Variants in CYP2A6 observed in about 807,000 individuals in gnomAD.
CYP2A6 encodes the protein cytochrome P450 2A6.
Under a neutral mutation model 42.3 loss-of-function variants are expected in CYP2A6, and 27 were observed. That is an observed-to-expected ratio of 0.64 (90% confidence interval 0.47 to 0.88). The LOEUF (loss-of-function observed/expected upper bound fraction) is 0.88. Among genes scored for constraint, CYP2A6 ranks in the 40% least tolerant of loss-of-function variants. CYP2A6 has a pLI of 0.00. For missense variants in CYP2A6, 628 were observed against 646.0 expected (o/e 0.97, Z 0.30); for synonymous variants, 238 against 246.3 (o/e 0.97, Z 0.31).
intron 2 of CYP2A6, 51 bp from the exon 3 acceptor site, chr19:40,848,814 G>A (rs759821708): frequency 1.9e-6 from 3 of 1,548,912 alleles, no homozygotes; most frequent in Admixed American, 1.8e-5. Context: ...GGCAGGGGCA[G>A]GAGCGGAGCA....
At position 40,846,867 on chromosome 19, in the gene CYP2A6, G is replaced by T; in HGVS notation, c.831+8C>A. 2.5e-6 allele frequency: 4 copies of T among 1,611,504 alleles called. No individual in the cohort carries two copies. The highest frequency in any genetic ancestry group is 3.4e-6 in the Non-Finnish European group (4 of 1,179,656). ...TTGCATCTCCCCGCAGTGGCTGCTGGGGTGTACCTCCTGCATGCGGATGAG... is the reference window on the plus strand; with the variant it reads ...TTGCATCTCCCCGCAGTGGCTGCTGTGGTGTACCTCCTGCATGCGGATGAG... On this transcript the variant is annotated splice_region_variant and intron_variant, in intron 5 of 8. Coordinates refer to ENST00000301141, the MANE Select transcript of CYP2A6 (RefSeq NM_000762.6).
In CYP2A6 at chr19:40,848,630, G is replaced by A; in HGVS notation, c.477C>T (p.Ala159=). Residue 159 remains alanine (A), a synonymous_variant, in exon 3 of 9, where the codon GCC becomes GCT. Coordinates refer to ENST00000301141, the MANE Select transcript of CYP2A6 (RefSeq NM_000762.6). ...IQEEAGFLID[A]LRGTGGANID... Reference sequence around the variant, plus strand: ...CCTGCTCACCGCCAGTGCCCCGGAGGGCGTCGATGAGGAAGCCCGCCTCCT... The same window carrying A: ...CCTGCTCACCGCCAGTGCCCCGGAGAGCGTCGATGAGGAAGCCCGCCTCCT... 1 of 1,611,682 alleles carries A rather than the reference G, an allele frequency of 6.2e-7. No individual in the cohort carries two copies. The highest frequency in any genetic ancestry group is 8.5e-7 in the Non-Finnish European group (1 of 1,179,772).
chr19:40,847,850 G>A (rs1385834248), intron 4 of CYP2A6, among the ~76,000 whole-genome samples: 5 of 151,584 alleles, frequency 3.3e-5, no homozygotes, highest in Non-Finnish European at 7.4e-5. Flanking sequence ...GCAGGAGGCC[G>A]GTTGACGCAG....
intron 4 of CYP2A6, 37 bp downstream of exon 4, chr19:40,848,182 T>C: frequency 1.2e-6 from 2 of 1,606,218 alleles, no homozygotes; most frequent in Non-Finnish European, 1.7e-6. Context: ...TGGCAGGTTG[T>C]GGTAGGGGCG....
chr19:40,849,193 G>A (rs1460283204), intron 2 of CYP2A6, among the ~76,000 whole-genome samples: 2 of 151,040 alleles, frequency 1.3e-5, no homozygotes, highest in Non-Finnish European at 2.9e-5. Flanking sequence ...AGGAAGGGAA[G>A]GAAGTGGGGA....
chr19:40,849,045 GGAGAGA>G (rs1164660108), intron 2 of CYP2A6, among the ~76,000 whole-genome samples: 134 of 24,226 alleles, frequency 5.5e-3, no homozygotes, highest in Middle Eastern at 0.062. Context: ...AAGAGAGAGA[GGAGAGA>G]GAGAGAGAGA....
chr19:40,845,002 T>C, intron 7 of CYP2A6: 1 of 657,388 alleles, frequency 1.5e-6, no homozygotes. Flanking sequence ...TTGGGGGACC[T>C]GAGATTTCTG....
intron 2 of CYP2A6, among the ~76,000 whole-genome samples, chr19:40,849,045 G>GAGAGAAGAGAGAGAGGAGAGAGAGA: frequency 4.1e-5 from 1 of 24,238 alleles, no homozygotes; most frequent in African/African-American, 2.0e-4. Context: ...AAGAGAGAGA[G>GAGAGAAGAGAGAGAGGAGAGAGAGA]GAGAGAGAGA....
At position 40,850,412 on chromosome 19, in the gene CYP2A6, C is replaced by T. The variant is rs1426037043; in HGVS notation, c.15G>A (p.Gly5=). 2 of 1,609,422 alleles carry T rather than the reference C, an allele frequency of 1.2e-6. No homozygotes were observed. Among genetic ancestry groups the T allele is most frequent in the East Asian group, 2.3e-5 (1 of 43,388 alleles). The change falls in exon 1 of 9, where the codon GGG becomes GGA. Residue 5 remains glycine, a synonymous_variant. Coordinates refer to ENST00000301141, the MANE Select transcript of CYP2A6 (RefSeq NM_000762.6). ...AGACCAGCAAGGCCACCAGAAGCAT[C>T]CCTGAGGCCAGCATGGTGGTAGTGG... is the stretch of plus-strand genomic sequence containing the variant. MLAS[G]MLLVALLVCL...
Position 40,848,794 on chromosome 19 carries a change from G to A in CYP2A6, c.344-31C>T, listed in dbSNP as rs371146023. 9.8e-4 allele frequency: 1,559 copies of A among 1,592,912 alleles called. 60 individuals carry two copies. The South Asian group carries it at 0.013, about 13-fold the overall frequency. On this transcript the variant is annotated intron_variant, in intron 2 of 8. Coordinates refer to ENST00000301141, the MANE Select transcript of CYP2A6 (RefSeq NM_000762.6). ...GAGGTGAACGCGGGAATGGAGACAG[G>A]CCAGGGGGCGGCAGGGGCAGGAGCG...
intron 4 of CYP2A6, among the ~76,000 whole-genome samples, chr19:40,847,534 ATGT>A (rs1967120842): frequency 6.6e-6 from 1 of 151,460 alleles, no homozygotes; most frequent in Non-Finnish European, 1.5e-5. Flanking sequence ...GCTGGTGAAG[ATGT>A]TGAAGTGGAG....
At position 40,845,577 on chromosome 19, in the gene CYP2A6, G is replaced by A. The variant is rs2302989; in HGVS notation, c.974-96C>T. 3.6e-5 allele frequency: 56 copies of A among 1,538,782 alleles called. 2 individuals are homozygous for A. The African/African-American group carries it at 3.9e-4, about 11-fold the overall frequency. On this transcript the variant is annotated intron_variant, in intron 6 of 8. Transcript: ENST00000301141. ...AAAATGGGGTGGATGATATGGCTCC[G>A]CCTATGAGACGGAAGTAGAGCATTC... is the stretch of plus-strand genomic sequence containing the variant.
chr19:40,844,268 A>C (rs561117972), intron 8 of CYP2A6, among the ~76,000 whole-genome samples: 1 of 151,414 alleles, frequency 6.6e-6, no homozygotes, highest in African/African-American at 2.4e-5. Flanking sequence ...AATGTCACAC[A>C]TCCATCATAG....
chr19:40,850,090 G>A, intron 1 of CYP2A6, 110 bp from the exon 2 acceptor site: 1 of 1,542,498 alleles, frequency 6.5e-7, no homozygotes, highest in Non-Finnish European at 8.7e-7. Flanking sequence ...CTCACAGTCA[G>A]GGAGCTGGAC....
Position 40,850,365 on chromosome 19 carries a change from A to T in CYP2A6, c.62T>A (p.Met21Lys). ...GCTCTTCCTCTGCTGCCAAACAGAC[A>T]TCAAGACCATTACAGTCAGGCAGAC... ...LLVCLTVMVL[M>K]SVWQQRKSKG... Residue 21 changes from methionine to lysine, a missense_variant, in exon 1 of 9, where the codon ATG becomes AAG. By Grantham distance (95) the Met-to-Lys change is moderately conservative (BLOSUM62 -1). Transcript: ENST00000301141. The T allele has an allele frequency of 6.2e-7, 1 of 1,610,288 alleles. No homozygotes were observed. The highest frequency in any genetic ancestry group is 8.5e-7 in the Non-Finnish European group (1 of 1,178,888).
intron 5 of CYP2A6, 61 bp downstream of exon 5, chr19:40,846,814 T>A: frequency 6.3e-7 from 1 of 1,592,866 alleles, no homozygotes; most frequent in Non-Finnish European, 8.6e-7. Context: ...CCTGCCCCAC[T>A]CCCAGACTGA....
chr19:40,848,347 G>A lies in CYP2A6; in HGVS notation c.526C>T (p.Arg176Cys). 3 of 1,611,952 alleles carry A rather than the reference G, an allele frequency of 1.9e-6. No individual in the cohort carries two copies. The highest frequency in any genetic ancestry group is 1.1e-5 in the South Asian group (1 of 90,936). The change falls in exon 4 of 9, where the codon CGC becomes TGC. Residue 176 changes from arginine to cysteine, a missense_variant. Physicochemically the swap from Arg to Cys is radical, Grantham distance 180. Coordinates refer to ENST00000301141, the MANE Select transcript of CYP2A6 (RefSeq NM_000762.6). ...ANIDPTFFLS[R>C]TVSNVISSIV... Reference sequence around the variant, plus strand: ...GAGCTGATGACATTGGAGACTGTGCGGCTCAGGAAGAAGGTGGGATCGATA... The same window carrying A: ...GAGCTGATGACATTGGAGACTGTGCAGCTCAGGAAGAAGGTGGGATCGATA...
In CYP2A6 at chr19:40,848,716, A is replaced by C. The variant is rs59552350; in HGVS notation, c.391T>G (p.Ser131Ala). The C allele has an allele frequency of 2.6e-4, 417 of 1,611,816 alleles. 7 individuals carry two copies. In the African/African-American group the frequency reaches 4.5e-3, roughly 18 times the overall value. ...GERAKQLRRFSIATLRDFGVG... is the reference protein window; with the variant it reads ...GERAKQLRRFAIATLRDFGVG... ...CCGAAGTCCCGCAGGGTGGCGATGG[A>C]GAAGCGCCGGAGCTGCTTGGCGCGC... Residue 131 changes from serine to alanine, a missense_variant, in exon 3 of 9, where the codon TCC becomes GCC. Physicochemically the swap from Ser to Ala is moderately conservative, Grantham distance 99 (BLOSUM62 1). Around this residue, in one of 2 missense-constraint regions of CYP2A6, gnomAD observed 606 missense variants for 568.1 expected, o/e 1.07. Coordinates refer to ENST00000301141, the MANE Select transcript of CYP2A6 (RefSeq NM_000762.6).
At chr19:40,848,555 G>A (rs953753569) in intron 3 of CYP2A6, 59 bp downstream of exon 3, 5 of 1,596,148 alleles carry the variant, frequency 3.1e-6, no homozygotes, top group African/African-American at 1.3e-5. Flanking sequence ...AACGCGCGCG[G>A]GTTCCTCGTC....
Sources: gnomAD v4.1 joint callset for allele counts (sites outside exome capture counted in the v4.1 genomes callset) on GRCh38, gnomAD v4.1.1 for gene constraint, gnomAD v4.1.1 regional missense constraint, MANE v1.5 for transcripts, NCBI Gene and HGNC (gene_info 2026-07-23, HGNC 2026-07-21) for gene names.